Variants in PLCB4 observed in about 807,000 individuals in gnomAD.
PLCB4 encodes phospholipase C beta 4.
PLCB4 carries 77 observed loss-of-function variants against 178.8 expected under a neutral mutation model. The observed-to-expected ratio is 0.43, with a 90% CI of 0.36 to 0.52. The LOEUF (loss-of-function observed/expected upper bound fraction) is 0.52. Ranked by LOEUF, PLCB4 falls within the 20% of genes least tolerant of loss-of-function variation. The pLI is 0.00. For synonymous variants in PLCB4, 496 were observed against 490.8 expected, an observed-to-expected ratio of 1.01 and a Z score of -0.14; for missense variants, 1,024 against 1,453.4, an observed-to-expected ratio of 0.70 and a Z score of 4.80.
At chr20:9,425,841 A>C (rs2299677) in intron 28 of PLCB4, among the ~76,000 whole-genome samples, 1 of 152,150 alleles carries the variant, frequency 6.6e-6, no homozygotes, top group Non-Finnish European at 1.5e-5. Flanking sequence ...GGTGTCAGGG[A>C]CTTCCCTGTA....
intron 1 of PLCB4, among the ~76,000 whole-genome samples, chr20:9,075,908 G>A (rs2089839297): frequency 1.3e-5 from 2 of 152,228 alleles, no homozygotes; most frequent in Non-Finnish European, 2.9e-5. Context: ...CCCATGTTGA[G>A]CCTTTTGTTA....
Position 9,371,300 on chromosome 20 carries a change from G to C in PLCB4, c.585+5G>C. The C allele has an allele frequency of 6.7e-7, 1 of 1,485,086 alleles. No individual in the cohort carries two copies. Among genetic ancestry groups the C allele is most frequent in the Non-Finnish European group, 9.4e-7 (1 of 1,065,442 alleles). The allele number at this position is 1,485,086 out of a possible 1,614,324, so 92.0% of individuals were successfully genotyped here. The stretch of plus-strand genomic sequence containing the variant: ...TTAGGTCTTCCCAGTGGAAAGGTAT[G>C]CATTAACTTAATAATGTATTTCTAA... On this transcript the variant is annotated splice_donor_5th_base_variant and intron_variant, in intron 10 of 39. Transcript: ENST00000378473.
chr20:9,339,177 T>A, intron 7 of PLCB4, 140 bp downstream of exon 7: 1 of 720,890 alleles, frequency 1.4e-6, no homozygotes, highest in Non-Finnish European at 2.2e-6. Flanking sequence ...CATGTTTCTG[T>A]AGAAAATCAG....
rs2032523978 is a variant in PLCB4 at position 9,336,740 on chromosome 20, AAAAG to A, written c.85-382_85-379del. Among the ~76,000 whole-genome samples, 3 of 152,074 alleles carry A rather than the reference AAAAG, an allele frequency of 2.0e-5. No homozygotes were observed. In the South Asian group the frequency reaches 6.2e-4, roughly 32 times the overall value. ...TGCTAGATTTTACAGACAAAAAAAAAAAAGAAAAAAAACACAAAACAAAAACCAG... is the reference window on the plus strand; with the variant it reads ...TGCTAGATTTTACAGACAAAAAAAAAAAAAAAAACACAAAACAAAAACCAG... On this transcript the variant is annotated intron_variant, in intron 4 of 39. Transcript: ENST00000378473.
At chr20:9,221,107 G>GGGGGAAGGGAA (rs2093793268) in intron 3 of PLCB4, among the ~76,000 whole-genome samples, 1 of 152,100 alleles carries the variant, frequency 6.6e-6, no homozygotes, top group African/African-American at 2.4e-5. Context: ...ACTAGTGAGT[G>GGGGGAAGGGAA]GGGGAAGGGA....
rs114858466 is a variant in PLCB4 at position 9,327,876 on chromosome 20, A to G, written c.85-9250A>G. 1.9e-3 allele frequency among the ~76,000 whole-genome samples: 285 copies of G among 152,350 alleles called. 2 individuals are homozygous for G. The highest frequency in any genetic ancestry group is 6.3e-3 in the African/African-American group (264 of 41,588). ...CTAATGCCCAGAAATAACCTGTGAG[A>G]TAGGTATTGTGGTTGATGTTGTTGT... On this transcript the variant is annotated intron_variant, in intron 4 of 39. Transcript: ENST00000378473.
intron 14 of PLCB4, among the ~76,000 whole-genome samples, chr20:9,385,115 G>A (rs922902847): frequency 1.3e-5 from 2 of 152,148 alleles, no homozygotes; most frequent in Non-Finnish European, 2.9e-5. Context: ...CAGAGAGCAC[G>A]GGGTTGGGGG....
At chr20:9,414,987 T>TTA (rs1416958664) in intron 25 of PLCB4, among the ~76,000 whole-genome samples, 3 of 152,128 alleles carry the variant, frequency 2.0e-5, no homozygotes, top group Admixed American at 6.6e-5. Context: ...CCAACATGTA[T>TTA]TATATATATT....
intron 3 of PLCB4, among the ~76,000 whole-genome samples, chr20:9,307,052 A>G (rs1184937533): frequency 6.6e-6 from 1 of 152,124 alleles, no homozygotes; most frequent in Admixed American, 6.5e-5. Context: ...TCCCTGCTAG[A>G]GGGCTTCATT....
intron 14 of PLCB4, among the ~76,000 whole-genome samples, chr20:9,386,581 A>G (rs2037683566): frequency 6.6e-6 from 1 of 152,060 alleles, no homozygotes; most frequent in Admixed American, 6.5e-5. Context: ...CTGAGTATGA[A>G]TCACTAAACA....
At chr20:9,305,037 C>G (rs1270900428) in intron 3 of PLCB4, among the ~76,000 whole-genome samples, 1 of 113,378 alleles carries the variant, frequency 8.8e-6, no homozygotes, top group Non-Finnish European at 1.7e-5. Flanking sequence ...TCCCGCCCCC[C>G]TCCCCCCAAC....
intron 2 of PLCB4, among the ~76,000 whole-genome samples, chr20:9,174,012 C>A (rs766827477): frequency 6.6e-6 from 1 of 152,208 alleles, no homozygotes; most frequent in Non-Finnish European, 1.5e-5. Context: ...TCCCCCTTCA[C>A]AAATTACCGT....
intron 33 of PLCB4, among the ~76,000 whole-genome samples, chr20:9,455,520 T>C (rs1381997095): frequency 6.6e-6 from 1 of 152,144 alleles, no homozygotes; most frequent in Non-Finnish European, 1.5e-5. Context: ...ATAAACTTGG[T>C]AATTATTAGA....
rs558156991 is a variant in PLCB4 at position 9,415,708 on chromosome 20, G to A, written c.2052-4099G>A. On this transcript the variant is annotated intron_variant, in intron 25 of 39. Coordinates refer to ENST00000378473, the MANE Select transcript of PLCB4 (RefSeq NM_001377142.1). ...AGAAAGCACCAAACAGACCATCTAT[G>A]TCATTTGCAGGGCCCAATGCAGAAT... 2.1e-3 allele frequency among the ~76,000 whole-genome samples: 321 copies of A among 151,102 alleles called. 2 individuals are homozygous for A. The highest frequency in any genetic ancestry group is 7.7e-3 in the African/African-American group (311 of 40,418).
chr20:9,430,774 C>T (rs1023440657), intron 28 of PLCB4, among the ~76,000 whole-genome samples: 1 of 152,066 alleles, frequency 6.6e-6, no homozygotes, highest in Non-Finnish European at 1.5e-5. Flanking sequence ...AGAATCAGCC[C>T]TAGAAGCTGA....
intron 1 of PLCB4, among the ~76,000 whole-genome samples, chr20:9,087,429 A>ATAT (rs11471570): frequency 1.3e-5 from 2 of 151,438 alleles, no homozygotes; most frequent in African/African-American, 2.4e-5. Context: ...ACTTTGAATG[A>ATAT]TTTTTTTTGG....
At chr20:9,111,711 T>G (rs1568770644) in intron 2 of PLCB4, among the ~76,000 whole-genome samples, 1 of 152,198 alleles carries the variant, frequency 6.6e-6, no homozygotes, top group Non-Finnish European at 1.5e-5. Context: ...AAATGGATAA[T>G]TTTCTCCCAT....
intron 32 of PLCB4, among the ~76,000 whole-genome samples, chr20:9,447,275 C>G (rs557246737): frequency 1.3e-5 from 2 of 152,302 alleles, no homozygotes; most frequent in African/African-American, 4.8e-5. Flanking sequence ...GTAGTTGGAG[C>G]TGGGTTTAGC....
chr20:9,358,178 T>C (rs116408930), intron 7 of PLCB4, among the ~76,000 whole-genome samples: 161 of 152,350 alleles, frequency 1.1e-3, no homozygotes, highest in African/African-American at 3.6e-3. Flanking sequence ...ATCCTGAAGA[T>C]TGATTCAGCC....
Sources: allele counts gnomAD v4.1 joint callset (sites outside exome capture counted in the v4.1 genomes callset), GRCh38; gene constraint gnomAD v4.1.1; transcripts MANE v1.5; gene names NCBI Gene and HGNC (gene_info 2026-07-23, HGNC 2026-07-21).